Variants in MAP4 observed in about 807,000 individuals in gnomAD.
MAP4 encodes the protein microtubule associated protein 4, also known as microtubule-associated protein 4.
A neutral mutation model predicts 170.2 loss-of-function variants in MAP4; 76 were observed. The observed-to-expected ratio is 0.45, with a 90% CI of 0.37 to 0.54. The LOEUF is 0.54. Among genes scored for constraint, MAP4 ranks in the 20% least tolerant of loss-of-function variants. The pLI is 0.00. For missense variants in MAP4, 2,506 were observed against 2,748.0 expected (o/e 0.91, Z 1.97); for synonymous variants, 909 against 994.5 (o/e 0.91, Z 1.62).
intron 1 of MAP4, among the ~76,000 whole-genome samples, chr3:48,009,250 G>A (rs372288182): frequency 5.9e-5 from 9 of 152,120 alleles, no homozygotes; most frequent in South Asian, 2.1e-4. Context: ...ACAGGCACCC[G>A]CCACCACACC....
chr3:47,973,174 C>A, intron 3 of MAP4: 1 of 982,232 alleles, frequency 1.0e-6, no homozygotes, highest in Non-Finnish European at 1.2e-6. Context: ...TCCAAAGTCA[C>A]AAAAAATACA....
rs1414643591 is a variant in MAP4 at position 47,909,310 on chromosome 3, G to A, written c.5111C>T (p.Pro1704Leu). Reference sequence around the variant, plus strand: ...TAACGTATCCGCCACCTCTGAAGGAGGAGCTTCGACTTTGCTATGTAAGAA... The same window carrying A: ...TAACGTATCCGCCACCTCTGAAGGAAGAGCTTCGACTTTGCTATGTAAGAA... ...SDFLHSKVEA[P>L]PSEVADTLVI... The change falls in exon 9 of 21, where the codon CCT (proline) becomes CTT (leucine). Residue 1704 changes from proline (P) to leucine (L), a missense_variant. Pro to Leu is a moderately conservative substitution (Grantham distance 98). This residue lies in a region of MAP4 where 2,008 missense variants were observed against 2,206.0 expected (regional missense o/e 0.91). Transcript: ENST00000683076. 11 of 1,613,914 alleles carry A rather than the reference G, an allele frequency of 6.8e-6. No homozygotes were observed. In the African/African-American group the frequency reaches 1.2e-4, roughly 18 times the overall value.
intron 10 of MAP4, among the ~76,000 whole-genome samples, chr3:47,883,819 C>T (rs2097165793): frequency 6.6e-6 from 1 of 151,970 alleles, no homozygotes; most frequent in South Asian, 2.1e-4. Context: ...TGATAAGAAA[C>T]AGGCTGTCAT....
intron 3 of MAP4, chr3:47,973,942 C>A: frequency 1.0e-6 from 1 of 985,392 alleles, no homozygotes; most frequent in Non-Finnish European, 1.2e-6. Context: ...AAACATATCA[C>A]CCTCAAGTGT....
intron 3 of MAP4, among the ~76,000 whole-genome samples, chr3:47,929,181 C>G (rs910353649): frequency 6.6e-6 from 1 of 152,046 alleles, no homozygotes; most frequent in African/African-American, 2.4e-5. Context: ...ATGGTGAAAC[C>G]CTGTCTCTAG....
intron 10 of MAP4, among the ~76,000 whole-genome samples, chr3:47,882,766 T>C (rs542065574): frequency 5.9e-5 from 9 of 152,244 alleles, no homozygotes; most frequent in African/African-American, 2.2e-4. Flanking sequence ...AGTGACCTAC[T>C]GGAACCTTAC....
rs1215224863 is a variant in MAP4 at position 47,859,366 on chromosome 3, G to A, written c.6502-1854C>T. ...CCTGTTTTCCCTTCTTTGGTGTCAG[G>A]AAATATAGTCTTCACCATGTTTCCA... On this transcript the variant is annotated intron_variant, in intron 17 of 20. Transcript: ENST00000683076. 2.6e-5 allele frequency among the ~76,000 whole-genome samples: 4 copies of A among 152,182 alleles called. No individual in the cohort carries two copies. In the East Asian group the frequency reaches 7.7e-4, roughly 29 times the overall value.
At chr3:48,007,460 C>T (rs892758077) in intron 1 of MAP4, among the ~76,000 whole-genome samples, 29 of 152,124 alleles carry the variant, frequency 1.9e-4, no homozygotes, top group Non-Finnish European at 1.6e-4. Flanking sequence ...GAGTGGGGTC[C>T]AGAACAGGAG....
chr3:48,056,962 C>T (rs1390861107), intron 1 of MAP4, among the ~76,000 whole-genome samples: 3 of 123,434 alleles, frequency 2.4e-5, no homozygotes, highest in South Asian at 2.8e-4. Flanking sequence ...GCCCGGCCAG[C>T]CGCCCCGTCC....
chr3:47,978,296 G>GAACACGAGGGCAT (rs1159342464), intron 2 of MAP4, among the ~76,000 whole-genome samples: 5 of 152,074 alleles, frequency 3.3e-5, no homozygotes, highest in Non-Finnish European at 5.9e-5. Context: ...AACGCTCCAA[G>GAACACGAGGGCAT]AACACGAGGG....
In MAP4 at chr3:48,022,724, A is replaced by T. The variant is rs534827232; in HGVS notation, c.-19-23845T>A. 6.6e-5 allele frequency among the ~76,000 whole-genome samples: 10 copies of T among 152,240 alleles called. No individual in the cohort carries two copies. The South Asian group carries it at 1.9e-3, about 28-fold the overall frequency. On this transcript the variant is annotated intron_variant, in intron 1 of 18. Coordinates refer to the MAP4 transcript ENST00000360240. ...GCCAACATGGTGAAACCCCGTCTCT[A>T]CGAAAAACACAACAAAATTAGCTGT...
At chr3:48,033,071 G>A (rs1244794592) in intron 1 of MAP4, among the ~76,000 whole-genome samples, 2 of 152,210 alleles carry the variant, frequency 1.3e-5, no homozygotes, top group African/African-American at 4.8e-5. Flanking sequence ...TTTTAAAAGT[G>A]AGAAAAGTCC....
chr3:47,952,780 C>T (rs529098079), intron 3 of MAP4, among the ~76,000 whole-genome samples: 12 of 151,790 alleles, frequency 7.9e-5, no homozygotes, highest in Non-Finnish European at 1.5e-4. Flanking sequence ...AAAAATTGGT[C>T]GGGTGTGGTG....
intron 1 of MAP4, among the ~76,000 whole-genome samples, chr3:48,052,994 T>C (rs1239699166): frequency 5.3e-5 from 8 of 152,242 alleles, no homozygotes; most frequent in Non-Finnish European, 1.2e-4. Context: ...TTATGACATA[T>C]GTACCTTCAC....
At chr3:47,885,367 C>CATCAATCAATCA (rs71070239) in intron 10 of MAP4, among the ~76,000 whole-genome samples, 60 of 150,326 alleles carry the variant, frequency 4.0e-4, no homozygotes, top group African/African-American at 8.8e-4. Flanking sequence ...CCATCTCTAC[C>CATCAATCAATCA]ATCAATCAAT....
intron 3 of MAP4, among the ~76,000 whole-genome samples, chr3:47,944,645 C>T (rs1303951904): frequency 3.3e-5 from 5 of 151,976 alleles, no homozygotes; most frequent in Non-Finnish European, 7.4e-5. Flanking sequence ...CTTCTTGCCA[C>T]CCAGTCCTCC....
intron 3 of MAP4, among the ~76,000 whole-genome samples, chr3:47,972,885 C>CAA: frequency 1.1e-5 from 1 of 90,828 alleles, no homozygotes; most frequent in South Asian, 3.2e-4. Flanking sequence ...GACTCCGTCT[C>CAA]AAAAAAAAAA....
At chr3:47,882,978 TC>T (rs1358603361) in intron 10 of MAP4, among the ~76,000 whole-genome samples, 1 of 151,996 alleles carries the variant, frequency 6.6e-6, no homozygotes, top group Non-Finnish European at 1.5e-5. Context: ...GGCTAATTTT[TC>T]TTTTTATCTT....
intron 2 of MAP4, among the ~76,000 whole-genome samples, chr3:47,978,530 C>T (rs1011217243): frequency 1.4e-4 from 22 of 152,076 alleles, no homozygotes; most frequent in Non-Finnish European, 2.9e-4. Context: ...GTTGGCCAGG[C>T]GGGCTCAAAC....
Sources: allele counts gnomAD v4.1 joint callset (sites outside exome capture counted in the v4.1 genomes callset), GRCh38; gene constraint gnomAD v4.1.1; regional missense constraint gnomAD v4.1.1; transcripts MANE v1.5; gene names NCBI Gene and HGNC (gene_info 2026-07-23, HGNC 2026-07-21).